Variants in SHROOM3 observed in about 807,000 individuals in gnomAD.
SHROOM3 encodes the protein shroom family member 3.
SHROOM3 carries 47 observed loss-of-function variants against 138.6 expected under a neutral mutation model. The observed-to-expected ratio is 0.34, with a 90% CI of 0.27 to 0.43. SHROOM3 has a LOEUF of 0.43. Ranked by LOEUF, SHROOM3 falls within the 20% of genes least tolerant of loss-of-function variation. The pLI is 1.00. For synonymous variants in SHROOM3, 1,062 were observed against 1,063.3 expected (o/e 1.00, Z 0.02); for missense variants, 2,491 against 2,596.5 (o/e 0.96, Z 0.88).
intron 1 of SHROOM3, among the ~76,000 whole-genome samples, chr4:76,454,893 A>G (rs945133939): frequency 2.6e-5 from 4 of 152,004 alleles, no homozygotes; most frequent in African/African-American, 9.7e-5. Flanking sequence ...ATTACTAAGC[A>G]TTTTATTCTT....
chr4:76,723,049 A>C lies in SHROOM3; in HGVS notation c.456-7755A>C, dbSNP rs1359905189. On this transcript the variant is annotated intron_variant, in intron 3 of 10. Coordinates refer to ENST00000296043, the MANE Select transcript of SHROOM3 (RefSeq NM_020859.4). ...GAGAAGAGCCCATGCAACATGTGTC[A>C]TAACAGTTCGTTAAAGAATAGCATC... 2.0e-5 allele frequency among the ~76,000 whole-genome samples: 3 copies of C among 152,076 alleles called. No homozygotes were observed. In the South Asian group the frequency reaches 6.3e-4, roughly 32 times the overall value.
intron 1 of SHROOM3, among the ~76,000 whole-genome samples, chr4:76,461,918 C>T (rs1731149734): frequency 1.3e-5 from 2 of 152,224 alleles, no homozygotes; most frequent in South Asian, 4.1e-4. Context: ...TTAGGAATCA[C>T]ACCTGTATCT....
intron 2 of SHROOM3, among the ~76,000 whole-genome samples, chr4:76,556,041 A>C (rs1733477665): frequency 6.6e-6 from 1 of 152,106 alleles, no homozygotes; most frequent in Admixed American, 6.5e-5. Flanking sequence ...AAATTTTGGG[A>C]CCTGATGAAA....
intron 2 of SHROOM3, among the ~76,000 whole-genome samples, chr4:76,588,108 G>A (rs964658727): frequency 6.6e-6 from 1 of 152,110 alleles, no homozygotes; most frequent in Admixed American, 6.5e-5. Flanking sequence ...GAAGAGGAGA[G>A]AGCTGGTTGA....
chr4:76,599,743 C>A (rs919513765), intron 2 of SHROOM3, among the ~76,000 whole-genome samples: 1 of 152,146 alleles, frequency 6.6e-6, no homozygotes, highest in Admixed American at 6.5e-5. Flanking sequence ...AATACAGTTT[C>A]CTCATGGAGC....
At chr4:76,658,939 G>C (rs1736124560) in intron 2 of SHROOM3, among the ~76,000 whole-genome samples, 1 of 151,946 alleles carries the variant, frequency 6.6e-6, no homozygotes, top group Non-Finnish European at 1.5e-5. Context: ...GAAACAATTA[G>C]GGAATGTGTA....
At chr4:76,525,242 G>A (rs1732664791) in intron 1 of SHROOM3, among the ~76,000 whole-genome samples, 1 of 152,196 alleles carries the variant, frequency 6.6e-6, no homozygotes, top group South Asian at 2.1e-4. Context: ...CAAAGGAGAA[G>A]CAGGCACCTT....
chr4:76,469,230 C>T (rs1289750864), intron 1 of SHROOM3, among the ~76,000 whole-genome samples: 1 of 151,964 alleles, frequency 6.6e-6, no homozygotes. Context: ...ATAAGCATTT[C>T]AATTTTTAAA....
At chr4:76,673,947 A>C (rs1161614828) in intron 2 of SHROOM3, among the ~76,000 whole-genome samples, 2 of 152,136 alleles carry the variant, frequency 1.3e-5, no homozygotes, top group African/African-American at 2.4e-5. Flanking sequence ...ATCGTAGCTC[A>C]CTGTAACATT....
chr4:76,555,501 C>A, intron 1 of SHROOM3, 108 bp from the exon 2 acceptor site: 1 of 1,521,512 alleles, frequency 6.6e-7, no homozygotes, highest in Non-Finnish European at 9.0e-7. Flanking sequence ...GTGGCCCTAG[C>A]TGGTCCGTTG....
At chr4:76,571,716 T>C (rs1733836606) in intron 2 of SHROOM3, among the ~76,000 whole-genome samples, 1 of 152,198 alleles carries the variant, frequency 6.6e-6, no homozygotes, top group Non-Finnish European at 1.5e-5. Flanking sequence ...TTGAAATGCC[T>C]GATTAATACT....
intron 1 of SHROOM3, among the ~76,000 whole-genome samples, chr4:76,442,819 T>C (rs1730723150): frequency 6.6e-6 from 1 of 152,190 alleles, no homozygotes; most frequent in African/African-American, 2.4e-5. Flanking sequence ...CCTTCCCTTC[T>C]TTCCTTCCTC....
intron 2 of SHROOM3, among the ~76,000 whole-genome samples, chr4:76,564,253 G>A (rs1001654599): frequency 1.3e-5 from 2 of 152,170 alleles, no homozygotes; most frequent in Non-Finnish European, 2.9e-5. Flanking sequence ...TTCCCTAGAG[G>A]GGAGATCAGT....
At position 76,528,647 on chromosome 4, in the gene SHROOM3, G is replaced by C. The variant is rs1212474734; in HGVS notation, c.169-26962G>C. ...TGCAACCTCTACCTTCTACCTCCCG[G>C]GTTCAAGCGATTCTCCTGCCTCAGT... is the stretch of plus-strand genomic sequence containing the variant. On this transcript the variant is annotated intron_variant, in intron 1 of 10. Coordinates refer to ENST00000296043, the MANE Select transcript of SHROOM3 (RefSeq NM_020859.4). 4.1e-5 allele frequency among the ~76,000 whole-genome samples: 6 copies of C among 148,032 alleles called. No individual in the cohort carries two copies. The East Asian group carries it at 1.2e-3, about 29-fold the overall frequency.
chr4:76,671,721 G>T (rs1447096934), intron 2 of SHROOM3, among the ~76,000 whole-genome samples: 1 of 152,176 alleles, frequency 6.6e-6, no homozygotes, highest in Non-Finnish European at 1.5e-5. Flanking sequence ...AACACGTTAG[G>T]TGAATGAACA....
chr4:76,477,110 G>C (rs1185414758), intron 1 of SHROOM3, among the ~76,000 whole-genome samples: 4 of 152,110 alleles, frequency 2.6e-5, no homozygotes, highest in Non-Finnish European at 5.9e-5. Context: ...TGGGACTACA[G>C]GTGCCCACCA....
chr4:76,689,356 G>GAGCGCCGAGCCAGCGCCGAGCC lies in SHROOM3; in HGVS notation c.324-20794_324-20773dup, dbSNP rs202186900. Among the ~76,000 whole-genome samples, 1,450 of 149,464 alleles carry GAGCGCCGAGCCAGCGCCGAGCC rather than the reference G, an allele frequency of 9.7e-3. 13 individuals are homozygous for GAGCGCCGAGCCAGCGCCGAGCC. Among genetic ancestry groups the GAGCGCCGAGCCAGCGCCGAGCC allele is most frequent in the Non-Finnish European group, 0.012 (803 of 66,996 alleles). On this transcript the variant is annotated intron_variant, in intron 2 of 10. Coordinates refer to ENST00000296043, the MANE Select transcript of SHROOM3 (RefSeq NM_020859.4). ...CCTGTGGGATTACCTGGTGGCGAGCGAGCGCCGAGCCAGCGCCGAGCCAGC... is the reference window on the plus strand; with the variant it reads ...CCTGTGGGATTACCTGGTGGCGAGCGAGCGCCGAGCCAGCGCCGAGCCAGCGCCGAGCCAGCGCCGAGCCAGC...
At chr4:76,711,181 C>T (rs748720994) in intron 3 of SHROOM3, among the ~76,000 whole-genome samples, 32 of 152,048 alleles carry the variant, frequency 2.1e-4, no homozygotes, top group Non-Finnish European at 2.5e-4. Flanking sequence ...TGTCAGACTA[C>T]CTAAAATTCA....
chr4:76,436,763 A>G (rs548291699), intron 1 of SHROOM3, among the ~76,000 whole-genome samples: 1 of 152,322 alleles, frequency 6.6e-6, no homozygotes, highest in South Asian at 2.1e-4. Flanking sequence ...TTATCTGTAT[A>G]TTTGAATCCC....
Sources: allele counts gnomAD v4.1 joint callset (sites outside exome capture counted in the v4.1 genomes callset), GRCh38; gene constraint gnomAD v4.1.1; transcripts MANE v1.5; gene names NCBI Gene and HGNC (gene_info 2026-07-23, HGNC 2026-07-21).